The following MAN1A1 variants were observed in gnomAD, a reference collection of about 807,000 sequenced individuals.
MAN1A1 encodes the protein mannosyl-oligosaccharide 1,2-alpha-mannosidase IA.
Under a neutral mutation model 70.8 loss-of-function variants are expected in MAN1A1, and 29 were observed. The observed-to-expected ratio is 0.41, with a 90% CI of 0.31 to 0.56. The LOEUF is 0.56. Ranked by LOEUF, MAN1A1 falls within the 20% of genes least tolerant of loss-of-function variation. MAN1A1 has a pLI of 0.29. For missense variants in MAN1A1, 747 were observed against 841.3 expected (o/e 0.89, Z 1.39); for synonymous variants, 349 against 330.1 (o/e 1.06, Z -0.62).
intron 2 of MAN1A1, among the ~76,000 whole-genome samples, chr6:119,314,195 C>A (rs1274618714): frequency 6.6e-6 from 1 of 152,222 alleles, no homozygotes; most frequent in African/African-American, 2.4e-5. Context: ...GCTCTGGTAG[C>A]AACATATGTG....
chr6:119,223,864 TA>T (rs1201136567), intron 6 of MAN1A1, among the ~76,000 whole-genome samples: 1 of 152,102 alleles, frequency 6.6e-6, no homozygotes, highest in Non-Finnish European at 1.5e-5. Flanking sequence ...ATATATATTA[TA>T]AAACTCAACT....
chr6:119,315,905 T>C (rs1036526221), intron 2 of MAN1A1, among the ~76,000 whole-genome samples: 2 of 152,222 alleles, frequency 1.3e-5, no homozygotes, highest in African/African-American at 4.8e-5. Context: ...AGTTGTCACT[T>C]TGTGTTTAAA....
chr6:119,302,392 T>C (rs1369667593), intron 3 of MAN1A1, among the ~76,000 whole-genome samples: 1 of 152,076 alleles, frequency 6.6e-6, no homozygotes, highest in Non-Finnish European at 1.5e-5. Flanking sequence ...CTCTCTTTTT[T>C]TTTTTTTGAG....
intron 2 of MAN1A1, chr6:119,327,378 G>GTTTTTTTT (rs1186844213): frequency 3.2e-5 from 4 of 123,552 alleles, no homozygotes; most frequent in Non-Finnish European, 1.7e-5. Flanking sequence ...GAAGCATTCC[G>GTTTTTTTT]TTTTTTTTTT....
At chr6:119,180,021 C>A in intron 12 of MAN1A1, 76 bp from the exon 13 acceptor site, 1 of 1,432,830 alleles carries the variant, frequency 7.0e-7, no homozygotes, top group South Asian at 1.2e-5. Flanking sequence ...CAGCAAAAAC[C>A]ACATCAATGT....
intron 8 of MAN1A1, among the ~76,000 whole-genome samples, chr6:119,197,864 T>C (rs541442880): frequency 1.3e-5 from 2 of 152,078 alleles, no homozygotes; most frequent in African/African-American, 4.8e-5. Flanking sequence ...CTCTTTGTAC[T>C]AGGAAACATG....
intron 2 of MAN1A1, among the ~76,000 whole-genome samples, chr6:119,331,431 A>G (rs1187549889): frequency 6.6e-6 from 1 of 151,934 alleles, no homozygotes; most frequent in African/African-American, 2.4e-5. Flanking sequence ...AAGGAAGCAA[A>G]TTTAGATTTG....
intron 8 of MAN1A1, among the ~76,000 whole-genome samples, chr6:119,195,111 C>T (rs1773535408): frequency 1.3e-5 from 2 of 152,144 alleles, no homozygotes; most frequent in African/African-American, 2.4e-5. Flanking sequence ...GGATTACAGA[C>T]ATGAGGCACT....
chr6:119,328,402 A>G (rs1233089695), intron 2 of MAN1A1, among the ~76,000 whole-genome samples: 1 of 152,262 alleles, frequency 6.6e-6, no homozygotes, highest in Non-Finnish European at 1.5e-5. Flanking sequence ...TAAGAGATAA[A>G]GCTCAAATGC....
intron 6 of MAN1A1, among the ~76,000 whole-genome samples, chr6:119,248,023 C>T (rs1582733700): frequency 1.3e-5 from 2 of 152,284 alleles, no homozygotes; most frequent in Middle Eastern, 3.4e-3. Flanking sequence ...AACCTCCAAT[C>T]GTGTCTGGCC....
intron 3 of MAN1A1, among the ~76,000 whole-genome samples, chr6:119,302,815 T>C (rs1045314940): frequency 1.3e-5 from 2 of 152,192 alleles, no homozygotes; most frequent in Non-Finnish European, 2.9e-5. Flanking sequence ...TGTTTAGTGA[T>C]AGTTCTAAGA....
chr6:119,325,729 C>T (rs6923206), intron 2 of MAN1A1, among the ~76,000 whole-genome samples: 1,814 of 152,054 alleles, frequency 0.012, 38 homozygotes, highest in African/African-American at 0.042. Context: ...GCCCAGAATA[C>T]GAACAATAAT....
At chr6:119,301,702 C>A (rs1772394621) in intron 4 of MAN1A1, among the ~76,000 whole-genome samples, 1 of 152,124 alleles carries the variant, frequency 6.6e-6, no homozygotes, top group Admixed American at 6.5e-5. Flanking sequence ...AAATTAATGC[C>A]CATCTCATAG....
At chr6:119,312,823 G>C (rs1203214287) in intron 2 of MAN1A1, among the ~76,000 whole-genome samples, 1 of 152,064 alleles carries the variant, frequency 6.6e-6, no homozygotes, top group East Asian at 1.9e-4. Flanking sequence ...GTGGGGACAG[G>C]GTGTATATGG....
intron 6 of MAN1A1, among the ~76,000 whole-genome samples, chr6:119,246,333 T>C (rs1017247597): frequency 5.3e-5 from 8 of 152,182 alleles, no homozygotes; most frequent in South Asian, 2.1e-4. Flanking sequence ...CTGGCGGTCA[T>C]TGGTGGTCTT....
intron 6 of MAN1A1, among the ~76,000 whole-genome samples, chr6:119,223,471 G>A (rs1340992275): frequency 6.6e-6 from 1 of 152,052 alleles, no homozygotes; most frequent in Non-Finnish European, 1.5e-5. Context: ...ATTCTGCAGG[G>A]ATGTTTGGAA....
Position 119,196,427 on chromosome 6 carries a change from T to A in MAN1A1, c.1211-2535A>T, listed in dbSNP as rs565886041. ...CTTCCTTCAGGCCTGGATGGCTGTT[T>A]GTCAACACAGTCCTGTGTAAACATC... On this transcript the variant is annotated intron_variant, in intron 8 of 12. Transcript: ENST00000368468. 4.2e-4 allele frequency among the ~76,000 whole-genome samples: 64 copies of A among 152,080 alleles called. 1 individual carries two copies. In the South Asian group the frequency reaches 0.013, roughly 31 times the overall value.
intron 2 of MAN1A1, among the ~76,000 whole-genome samples, chr6:119,329,007 G>T (rs1773232900): frequency 6.6e-6 from 1 of 152,190 alleles, no homozygotes. Context: ...ATACAGCAAA[G>T]CAGATGTCTG....
chr6:119,326,661 C>T (rs939979067), intron 2 of MAN1A1, among the ~76,000 whole-genome samples: 1 of 152,176 alleles, frequency 6.6e-6, no homozygotes, highest in African/African-American at 2.4e-5. Flanking sequence ...AGGAAACTTA[C>T]AATCATGGTG....
Sources: gnomAD v4.1 joint callset for allele counts (sites outside exome capture counted in the v4.1 genomes callset) on GRCh38, gnomAD v4.1.1 for gene constraint, MANE v1.5 for transcripts, NCBI Gene and HGNC (gene_info 2026-07-23, HGNC 2026-07-21) for gene names.